The following NPAS3 variants were observed in gnomAD, a reference collection of about 807,000 sequenced individuals.
NPAS3 encodes neuronal PAS domain protein 3.
NPAS3 carries 14 observed loss-of-function variants against 73.1 expected under a neutral mutation model. The ratio of observed to expected loss-of-function variants is 0.19; its 90% CI spans 0.13 to 0.30. The LOEUF is 0.30. Ranked by LOEUF, NPAS3 falls within the 10% of genes least tolerant of loss-of-function variation. NPAS3 has a pLI of 1.00. For synonymous variants in NPAS3, 620 were observed against 541.5 expected (o/e 1.14, Z -2.01); for missense variants, 1,096 against 1,250.0 (o/e 0.88, Z 1.86).
At chr14:33,071,651 T>G (rs528513531) in intron 2 of NPAS3, among the ~76,000 whole-genome samples, 124 of 152,304 alleles carry the variant, frequency 8.1e-4, no homozygotes, top group African/African-American at 2.9e-3. Flanking sequence ...GTTTAGCATA[T>G]ACGAACCACA....
At chr14:33,408,883 C>A (rs2047787489) in intron 4 of NPAS3, among the ~76,000 whole-genome samples, 3 of 152,054 alleles carry the variant, frequency 2.0e-5, no homozygotes, top group Admixed American at 6.6e-5. Context: ...GTGAGTCCTC[C>A]AGAGGAAAGT....
chr14:33,422,718 A>T (rs1033974498), intron 4 of NPAS3, among the ~76,000 whole-genome samples: 1 of 151,976 alleles, frequency 6.6e-6, no homozygotes, highest in Non-Finnish European at 1.5e-5. Context: ...TCTTAAGAAC[A>T]TAATTTTCCA....
At chr14:32,991,519 A>G (rs574950041) in intron 1 of NPAS3, among the ~76,000 whole-genome samples, 1 of 152,270 alleles carries the variant, frequency 6.6e-6, no homozygotes, top group South Asian at 2.1e-4. Context: ...ATGGCAGTGG[A>G]GATAAAATGT....
intron 4 of NPAS3, among the ~76,000 whole-genome samples, chr14:33,445,856 C>A (rs894734782): frequency 3.3e-5 from 5 of 151,132 alleles, no homozygotes; most frequent in African/African-American, 1.2e-4. Context: ...ACCCACCAAC[C>A]TTCTTTCTCT....
intron 4 of NPAS3, among the ~76,000 whole-genome samples, chr14:33,453,594 C>A (rs1378407193): frequency 2.0e-5 from 3 of 152,102 alleles, no homozygotes; most frequent in African/African-American, 7.2e-5. Flanking sequence ...GATTTGTTAT[C>A]CACAAATTCA....
chr14:33,766,959 T>A (rs1310532822), intron 7 of NPAS3, among the ~76,000 whole-genome samples: 1 of 152,202 alleles, frequency 6.6e-6, no homozygotes, highest in Non-Finnish European at 1.5e-5. Context: ...TAAAGTCAGT[T>A]TTTAGAACTA....
chr14:33,003,070 C>CTT (rs76957822), intron 1 of NPAS3, among the ~76,000 whole-genome samples: 1 of 141,324 alleles, frequency 7.1e-6, no homozygotes, highest in South Asian at 2.3e-4. Flanking sequence ...ATTTTTGTTT[C>CTT]TTTTTTTTTT....
At chr14:33,689,236 G>C (rs774636133) in intron 6 of NPAS3, among the ~76,000 whole-genome samples, 1 of 152,092 alleles carries the variant, frequency 6.6e-6, no homozygotes, top group African/African-American at 2.4e-5. Flanking sequence ...TAGCCCTCTG[G>C]TCTAGATTGG....
intron 3 of NPAS3, among the ~76,000 whole-genome samples, chr14:33,332,386 A>G (rs914134964): frequency 6.6e-5 from 10 of 152,170 alleles, no homozygotes; most frequent in African/African-American, 2.4e-4. Flanking sequence ...TTTCTTTTCA[A>G]ATATTTGATC....
chr14:33,595,691 G>A (rs1436659565), intron 5 of NPAS3, among the ~76,000 whole-genome samples: 1 of 151,552 alleles, frequency 6.6e-6, no homozygotes, highest in East Asian at 2.0e-4. Context: ...TTTTTTTTGA[G>A]ATGGAGTCTG....
chr14:33,534,923 G>A (rs144945002), intron 4 of NPAS3, among the ~76,000 whole-genome samples: 75 of 152,264 alleles, frequency 4.9e-4, no homozygotes, highest in African/African-American at 1.8e-3. Flanking sequence ...TTTCCAGGAC[G>A]TGTGCTGTGT....
chr14:33,223,598 A>C (rs1386926656), intron 3 of NPAS3, among the ~76,000 whole-genome samples: 1 of 152,116 alleles, frequency 6.6e-6, no homozygotes, highest in African/African-American at 2.4e-5. Flanking sequence ...TTACTGTCTA[A>C]TCCAAAGTCC....
intron 2 of NPAS3, among the ~76,000 whole-genome samples, chr14:33,141,443 A>G (rs745905283): frequency 5.3e-4 from 80 of 152,182 alleles, no homozygotes; most frequent in Non-Finnish European, 9.1e-4. Flanking sequence ...TGAGCCTACT[A>G]TGGAGAATTT....
intron 3 of NPAS3, among the ~76,000 whole-genome samples, chr14:33,308,527 T>TATATATACACACAC: frequency 1.5e-4 from 16 of 103,728 alleles, no homozygotes; most frequent in Middle Eastern, 4.4e-3. Flanking sequence ...TATATATATA[T>TATATATACACACAC]ACATACACAC....
chr14:33,574,686 G>A (rs2056362046), intron 5 of NPAS3, among the ~76,000 whole-genome samples: 2 of 152,262 alleles, frequency 1.3e-5, no homozygotes, highest in South Asian at 2.1e-4. Context: ...AAGCTGGGGT[G>A]TATAGAAAGA....
At chr14:32,960,910 T>C (rs765586833) in intron 1 of NPAS3, among the ~76,000 whole-genome samples, 8 of 152,250 alleles carry the variant, frequency 5.3e-5, no homozygotes, top group Non-Finnish European at 1.0e-4. Context: ...CACATGTGTT[T>C]AAACATGTTC....
intron 4 of NPAS3, among the ~76,000 whole-genome samples, chr14:33,555,366 T>G (rs2055305819): frequency 6.6e-6 from 1 of 152,164 alleles, no homozygotes; most frequent in African/African-American, 2.4e-5. Flanking sequence ...ATCAGAAAAT[T>G]CTACATAGTG....
chr14:33,767,247 C>G (rs2062492749), intron 7 of NPAS3, among the ~76,000 whole-genome samples: 1 of 152,166 alleles, frequency 6.6e-6, no homozygotes, highest in South Asian at 2.1e-4. Flanking sequence ...AAGCCCCACT[C>G]CCTATAAATT....
intron 2 of NPAS3, among the ~76,000 whole-genome samples, chr14:33,200,041 G>A (rs2046555608): frequency 1.3e-5 from 2 of 151,824 alleles, no homozygotes; most frequent in South Asian, 4.2e-4. Flanking sequence ...ATTGTTAAAG[G>A]GCTATTTTAA....
Sources: allele counts gnomAD v4.1 joint callset (sites outside exome capture counted in the v4.1 genomes callset), GRCh38; gene constraint gnomAD v4.1.1; transcripts MANE v1.5; gene names NCBI Gene and HGNC (gene_info 2026-07-23, HGNC 2026-07-21).